Variants in PCDH15 observed in about 807,000 individuals in gnomAD.
PCDH15 encodes the protein protocadherin-15.
A neutral mutation model predicts 178.5 loss-of-function variants in PCDH15; 129 were observed. That is an observed-to-expected ratio of 0.72 (90% CI 0.63 to 0.84). The LOEUF is 0.84. Among genes scored for constraint, PCDH15 ranks in the 40% least tolerant of loss-of-function variants. The probability of loss-of-function intolerance (pLI) is 0.00; values close to 1 mark genes in which losing one functional copy is unlikely to be tolerated. For synonymous variants in PCDH15, 800 were observed against 732.0 expected (o/e 1.09, Z -1.50); for missense variants, 2,230 against 2,099.9 (o/e 1.06, Z -1.21).
chr10:55,074,417 A>T (rs925760388), intron 2 of PCDH15, among the ~76,000 whole-genome samples: 28 of 152,152 alleles, frequency 1.8e-4, no homozygotes, highest in African/African-American at 6.5e-4. Flanking sequence ...GACTGGCATG[A>T]GATGGTATCT....
At chr10:53,906,054 C>T (rs902014940) in intron 25 of PCDH15, among the ~76,000 whole-genome samples, 29 of 151,762 alleles carry the variant, frequency 1.9e-4, no homozygotes, top group African/African-American at 5.6e-4. Context: ...AGTTATAATG[C>T]GATTTATAAC....
chr10:54,504,238 C>T (rs2080974252), intron 3 of PCDH15, among the ~76,000 whole-genome samples: 1 of 152,116 alleles, frequency 6.6e-6, no homozygotes, highest in Non-Finnish European at 1.5e-5. Flanking sequence ...ACTATATAGG[C>T]ATGAAGAACT....
chr10:54,291,730 A>G (rs113965443), intron 8 of PCDH15, among the ~76,000 whole-genome samples: 215 of 152,328 alleles, frequency 1.4e-3, no homozygotes, highest in African/African-American at 5.0e-3. Flanking sequence ...GAAGAAATGT[A>G]TAAATTCCTG....
In PCDH15 at chr10:54,080,168, T is replaced by C. The variant is rs191609642; in HGVS notation, c.1998-744A>G. On this transcript the variant is annotated intron_variant, in intron 16 of 37. Transcript: ENST00000644397. ...TTTGTGGCTACACTAACAATTTTAG[T>C]ATTTTGTTATTCTTTGGAAATTTAG... Among the ~76,000 whole-genome samples, 810 of 152,162 alleles carry C rather than the reference T, an allele frequency of 5.3e-3. 7 individuals are homozygous for C. The highest frequency in any genetic ancestry group is 0.019 in the African/African-American group (774 of 41,542).
intron 3 of PCDH15, among the ~76,000 whole-genome samples, chr10:54,524,013 T>C (rs932540539): frequency 7.2e-5 from 11 of 152,172 alleles, no homozygotes; most frequent in African/African-American, 2.7e-4. Context: ...AAGAAAATCT[T>C]CATGACCTTT....
At chr10:54,041,669 T>G (rs1231542865) in intron 18 of PCDH15, among the ~76,000 whole-genome samples, 1 of 152,074 alleles carries the variant, frequency 6.6e-6, no homozygotes, top group Non-Finnish European at 1.5e-5. Flanking sequence ...AACTTCATAT[T>G]TTAATGGACA....
At chr10:54,603,545 T>C (rs1330391563) in intron 2 of PCDH15, among the ~76,000 whole-genome samples, 2 of 151,788 alleles carry the variant, frequency 1.3e-5, no homozygotes, top group Non-Finnish European at 2.9e-5. Context: ...ACAGAAGCCA[T>C]GTCTCTCGAG....
chr10:54,383,251 A>T (rs1056125900), intron 3 of PCDH15, among the ~76,000 whole-genome samples: 2 of 152,086 alleles, frequency 1.3e-5, no homozygotes, highest in African/African-American at 2.4e-5. Context: ...AAAAAAAAAG[A>T]CTATGTATGC....
chr10:54,317,518 T>G, intron 7 of PCDH15, 77 bp from the exon 8 acceptor site: 3 of 1,547,166 alleles, frequency 1.9e-6, no homozygotes, highest in South Asian at 1.1e-5. Context: ...CCCATACCTG[T>G]AATCCCAGAA....
At chr10:54,322,830 G>A (rs61853345) in intron 7 of PCDH15, among the ~76,000 whole-genome samples, 3,067 of 151,972 alleles carry the variant, frequency 0.02, 96 homozygotes, top group East Asian at 0.1. Context: ...ATGATATCCT[G>A]AAAAGCAATT....
At chr10:54,089,462 G>C (rs949252714) in intron 16 of PCDH15, among the ~76,000 whole-genome samples, 4 of 152,154 alleles carry the variant, frequency 2.6e-5, no homozygotes, top group African/African-American at 7.2e-5. Context: ...TTTCTCAATA[G>C]TTATCATTAG....
chr10:54,583,219 ATTC>A (rs1355629954), intron 2 of PCDH15, among the ~76,000 whole-genome samples: 1 of 152,150 alleles, frequency 6.6e-6, no homozygotes, highest in African/African-American at 2.4e-5. Flanking sequence ...ATACCCAAAA[ATTC>A]TCATATGAAA....
chr10:54,043,548 T>G (rs1220075972), intron 18 of PCDH15, among the ~76,000 whole-genome samples: 2 of 151,660 alleles, frequency 1.3e-5, no homozygotes, highest in South Asian at 4.2e-4. Flanking sequence ...CCAACATGCC[T>G]GGCTAATTTT....
At chr10:53,861,673 A>C (rs1454883301) in intron 27 of PCDH15, among the ~76,000 whole-genome samples, 1 of 152,172 alleles carries the variant, frequency 6.6e-6, no homozygotes, top group East Asian at 1.9e-4. Flanking sequence ...TGTTTAGTAA[A>C]ATATCATTTT....
chr10:55,181,618 G>A (rs1278787245), intron 1 of PCDH15, among the ~76,000 whole-genome samples: 1 of 151,824 alleles, frequency 6.6e-6, no homozygotes, highest in East Asian at 1.9e-4. Flanking sequence ...CATTTTTAAA[G>A]ATCTTGAACT....
chr10:55,035,142 A>C (rs1922164), intron 2 of PCDH15, among the ~76,000 whole-genome samples: 69,879 of 151,982 alleles, frequency 0.46, 17,945 homozygotes, highest in East Asian at 0.75. Flanking sequence ...AAGGTATGTA[A>C]TCTAAATCTT....
chr10:54,791,205 A>G (rs193265673), intron 1 of PCDH15, among the ~76,000 whole-genome samples: 1 of 152,034 alleles, frequency 6.6e-6, no homozygotes, highest in East Asian at 1.9e-4. Flanking sequence ...CTTAAAATAA[A>G]AGAAATATGA....
intron 2 of PCDH15, among the ~76,000 whole-genome samples, chr10:55,585,726 T>C (rs1842714094): frequency 2.0e-5 from 3 of 152,076 alleles, no homozygotes; most frequent in Admixed American, 2.0e-4. Context: ...CAAGTATGTA[T>C]GTGTATATGT....
chr10:54,485,009 A>G (rs757459495), intron 3 of PCDH15, among the ~76,000 whole-genome samples: 3 of 151,942 alleles, frequency 2.0e-5, no homozygotes, highest in Non-Finnish European at 4.4e-5. Flanking sequence ...AGGAAGAGTG[A>G]GAACTCTTTG....
Sources: allele counts gnomAD v4.1 joint callset (sites outside exome capture counted in the v4.1 genomes callset), GRCh38; gene constraint gnomAD v4.1.1; transcripts MANE v1.5; gene names NCBI Gene and HGNC (gene_info 2026-07-23, HGNC 2026-07-21).